Variants in TBC1D22A observed in about 807,000 individuals in gnomAD.
TBC1D22A encodes putative GTPase activator.
A neutral mutation model predicts 60.2 loss-of-function variants in TBC1D22A; 38 were observed. The observed-to-expected ratio is 0.63, with a 90% CI of 0.49 to 0.83. The LOEUF (loss-of-function observed/expected upper bound fraction) is 0.83, where lower values mean the gene tolerates loss of function less well. Among genes scored for constraint, TBC1D22A ranks in the 40% least tolerant of loss-of-function variants. The pLI, the probability that TBC1D22A is intolerant of heterozygous loss-of-function variation, is 0.00. For synonymous variants in TBC1D22A, 302 were observed against 281.7 expected (o/e 1.07, Z -0.72); for missense variants, 628 against 701.0 (o/e 0.90, Z 1.18).
At chr22:46,900,276 C>T (rs561828844) in intron 7 of TBC1D22A, among the ~76,000 whole-genome samples, 5 of 152,068 alleles carry the variant, frequency 3.3e-5, no homozygotes, top group East Asian at 3.9e-4. Context: ...CTCAGACTCC[C>T]GAGTAGCTGG....
rs56029066 is a variant in TBC1D22A, at chr22:46,841,047, GGT to G, written c.638-37580_638-37579del. ...GATGAATGAATGAGTAATGAAAATGGGTGTGTGTGTGTGTGTGTGTGTGTGTG... is the reference window on the plus strand; with the variant it reads ...GATGAATGAATGAGTAATGAAAATGGGTGTGTGTGTGTGTGTGTGTGTGTG... On this transcript the variant is annotated intron_variant, in intron 4 of 12. Coordinates refer to ENST00000337137, the MANE Select transcript of TBC1D22A (RefSeq NM_014346.5). 6.0e-4 allele frequency among the ~76,000 whole-genome samples: 88 copies of G among 147,500 alleles called. 1 individual carries two copies. The highest frequency in any genetic ancestry group is 1.2e-3 in the East Asian group (6 of 5,050).
At position 47,069,910 on chromosome 22, in the gene TBC1D22A, C is replaced by T. The variant is rs769902701; in HGVS notation, c.1329+32712C>T. Among the ~76,000 whole-genome samples, 17 of 56,360 alleles carry T rather than the reference C, an allele frequency of 3.0e-4. 1 individual carries two copies. The highest frequency in any genetic ancestry group is 5.1e-4 in the Non-Finnish European group (16 of 31,088). The allele number at this position is 56,360 out of a possible 152,430, so 37.0% of individuals were successfully genotyped here. On this transcript the variant is annotated intron_variant, in intron 11 of 12. Transcript: ENST00000337137. ...AGCGGAGCTGACTTGACGGTTCCAG[C>T]GCTGTCCCCTGTTGTTTGGTTGGAG...
intron 9 of TBC1D22A, among the ~76,000 whole-genome samples, chr22:46,977,738 T>A (rs1350425660): frequency 1.3e-5 from 2 of 151,946 alleles, no homozygotes; most frequent in Non-Finnish European, 2.9e-5. Flanking sequence ...GAAAGTGAAG[T>A]GGAAGCTGGT....
At chr22:47,010,312 C>G (rs190318807) in intron 10 of TBC1D22A, among the ~76,000 whole-genome samples, 3 of 152,014 alleles carry the variant, frequency 2.0e-5, no homozygotes, top group African/African-American at 7.3e-5. Flanking sequence ...GCAGCCAGGC[C>G]GGGGAACAGG....
chr22:47,007,939 A>G (rs1476114164), intron 10 of TBC1D22A, among the ~76,000 whole-genome samples: 3 of 152,230 alleles, frequency 2.0e-5, no homozygotes, highest in Non-Finnish European at 4.4e-5. Flanking sequence ...GATACAGTTC[A>G]TGGAAGAAAT....
intron 11 of TBC1D22A, among the ~76,000 whole-genome samples, chr22:47,054,625 G>A (rs556830559): frequency 6.6e-6 from 1 of 152,144 alleles, no homozygotes; most frequent in Non-Finnish European, 1.5e-5. Context: ...CAGGCCCTTC[G>A]AATCCTGGGC....
chr22:47,071,368 G>A (rs1342016348), intron 11 of TBC1D22A, among the ~76,000 whole-genome samples: 1 of 152,212 alleles, frequency 6.6e-6, no homozygotes, highest in African/African-American at 2.4e-5. Flanking sequence ...TCCAGTGGGA[G>A]TGACTCTTGG....
intron 11 of TBC1D22A, among the ~76,000 whole-genome samples, chr22:47,063,796 T>C (rs1044922266): frequency 2.0e-5 from 3 of 152,172 alleles, no homozygotes; most frequent in Non-Finnish European, 4.4e-5. Flanking sequence ...CTCCATGTGT[T>C]ACCAGTCATC....
At chr22:47,129,510 G>C (rs2066607457) in intron 12 of TBC1D22A, among the ~76,000 whole-genome samples, 2 of 152,194 alleles carry the variant, frequency 1.3e-5, no homozygotes, top group South Asian at 2.1e-4. Flanking sequence ...ACCGTAAGAG[G>C]CTGTTAACTT....
At chr22:47,127,572 CGA>C (rs2066510421) in intron 12 of TBC1D22A, among the ~76,000 whole-genome samples, 3 of 151,980 alleles carry the variant, frequency 2.0e-5, no homozygotes, top group Admixed American at 2.0e-4. Flanking sequence ...ATTATTGCAG[CGA>C]GAGTCTTCAT....
intron 12 of TBC1D22A, among the ~76,000 whole-genome samples, chr22:47,173,014 C>T (rs1343823670): frequency 3.9e-5 from 6 of 152,214 alleles, no homozygotes; most frequent in East Asian, 1.9e-4. Flanking sequence ...AGGGGTGCTG[C>T]GGTACTTCCT....
chr22:46,798,819 G>A lies in TBC1D22A; in HGVS notation c.637+1199G>A, dbSNP rs536078648. On this transcript the variant is annotated intron_variant, in intron 4 of 12. Transcript: ENST00000337137. ...ACGCGGATGGGCCGCCAGGAGCCAC[G>A]CAGGAGCCATGCAGGGGCCATATAG... is the stretch of plus-strand genomic sequence containing the variant. 9.8e-5 allele frequency among the ~76,000 whole-genome samples: 15 copies of A among 152,352 alleles called. No individual in the cohort carries two copies. The South Asian group carries it at 1.2e-3, about 13-fold the overall frequency.
chr22:46,918,158 T>C (rs1211908178), intron 8 of TBC1D22A, among the ~76,000 whole-genome samples: 1 of 152,238 alleles, frequency 6.6e-6, no homozygotes, highest in African/African-American at 2.4e-5. Flanking sequence ...CAGTATGCGT[T>C]GCTCTTGTGA....
chr22:47,050,802 A>G (rs995546226), intron 11 of TBC1D22A, among the ~76,000 whole-genome samples: 2 of 151,348 alleles, frequency 1.3e-5, no homozygotes, highest in Non-Finnish European at 1.5e-5. Flanking sequence ...AGGTGGGGGG[A>G]TGGTGAGGAC....
At chr22:46,924,150 T>C (rs1371568062) in intron 8 of TBC1D22A, among the ~76,000 whole-genome samples, 1 of 152,220 alleles carries the variant, frequency 6.6e-6, no homozygotes, top group Non-Finnish European at 1.5e-5. Flanking sequence ...TCCCCATCTT[T>C]GATGCCTCCG....
chr22:47,066,299 T>C (rs528361325), intron 11 of TBC1D22A, among the ~76,000 whole-genome samples: 2 of 152,220 alleles, frequency 1.3e-5, no homozygotes, highest in East Asian at 3.9e-4. Flanking sequence ...GCTGCCTGAA[T>C]CCTGAAGTGG....
chr22:46,974,540 A>C, intron 9 of TBC1D22A, 141 bp downstream of exon 9: 1 of 704,452 alleles, frequency 1.4e-6, no homozygotes, highest in South Asian at 1.7e-5. Flanking sequence ...CTGGAATAGC[A>C]CAGACCCCTC....
At chr22:46,800,356 G>C (rs1233847157) in intron 4 of TBC1D22A, among the ~76,000 whole-genome samples, 2 of 152,150 alleles carry the variant, frequency 1.3e-5, no homozygotes, top group Non-Finnish European at 2.9e-5. Flanking sequence ...ACCAAGACAG[G>C]AGATAAAGGT....
At position 47,168,782 on chromosome 22, in the gene TBC1D22A, G is replaced by A. The variant is rs188943782; in HGVS notation, c.1426-4716G>A. 2.6e-3 allele frequency among the ~76,000 whole-genome samples: 396 copies of A among 152,048 alleles called. 3 individuals are homozygous for A. The highest frequency in any genetic ancestry group is 6.8e-3 in the Middle Eastern group (2 of 294). On this transcript the variant is annotated intron_variant, in intron 12 of 12. Transcript: ENST00000337137. ...AAGGCCTGGCACGCGGGGGAGGTCA[G>A]TGTCCTCCACGGATGGCACTAGGAT... is the stretch of plus-strand genomic sequence containing the variant.
Sources: gnomAD v4.1 joint callset for allele counts (sites outside exome capture counted in the v4.1 genomes callset) on GRCh38, gnomAD v4.1.1 for gene constraint, MANE v1.5 for transcripts, NCBI Gene and HGNC (gene_info 2026-07-23, HGNC 2026-07-21) for gene names.